Variants in GSTA3 observed in about 807,000 individuals in gnomAD.
The protein encoded by GSTA3 is glutathione S-transferase A3.
GSTA3 carries 16 observed loss-of-function variants against 23.1 expected under a neutral mutation model. The ratio of observed to expected loss-of-function variants is 0.69; its 90% confidence interval spans 0.47 to 1.05. The LOEUF (loss-of-function observed/expected upper bound fraction) is 1.05. Ranked by LOEUF, GSTA3 falls within the 50% of genes least tolerant of loss-of-function variation. GSTA3 has a pLI of 0.00. For missense variants in GSTA3, 319 were observed against 263.6 expected (o/e 1.21, Z -1.46); for synonymous variants, 122 against 91.0 (o/e 1.34, Z -1.94).
chr6:52,900,101 TC>T, intron 4 of GSTA3, 26 bp from the exon 5 acceptor site: 1 of 1,587,466 alleles, frequency 6.3e-7, no homozygotes, highest in Non-Finnish European at 8.6e-7. Context: ...AGCCAAAGCA[TC>T]AAATGCCTCT....
chr6:52,905,645 C>T (rs1055140448), intron 2 of GSTA3, 103 bp downstream of exon 2: 7 of 614,574 alleles, frequency 1.1e-5, no homozygotes, highest in Admixed American at 1.0e-4. Context: ...TATTTGAGGC[C>T]AAAATATTCA....
In GSTA3 at chr6:52,897,973, A is replaced by T. The variant is rs776740158; in HGVS notation, c.415-17T>A. Reference sequence around the variant, plus strand: ...CTGTAACACCTGGAGAATTTGAGGAATCAGATCAGGAATACATGCGCACCC... The same window carrying T: ...CTGTAACACCTGGAGAATTTGAGGATTCAGATCAGGAATACATGCGCACCC... On this transcript the variant is annotated splice_polypyrimidine_tract_variant and intron_variant, in intron 5 of 6. Transcript: ENST00000211122. The T allele has an allele frequency of 5.6e-6, 9 of 1,613,854 alleles. No homozygotes were observed. The highest frequency in any genetic ancestry group is 6.8e-6 in the Non-Finnish European group (8 of 1,179,794).
intron 1 of GSTA3, among the ~76,000 whole-genome samples, chr6:52,907,707 G>A (rs1765939459): frequency 6.6e-6 from 1 of 151,754 alleles, no homozygotes; most frequent in Admixed American, 6.6e-5. Context: ...ATCATTCTCA[G>A]CAAACTATCG....
intron 1 of GSTA3, among the ~76,000 whole-genome samples, chr6:52,909,107 A>G (rs891668033): frequency 2.0e-5 from 3 of 152,220 alleles, no homozygotes; most frequent in Non-Finnish European, 4.4e-5. Flanking sequence ...TCAATGATGG[A>G]AGTGTAAATT....
intron 6 of GSTA3, 46 bp downstream of exon 6, chr6:52,897,779 A>G (rs1176902297): frequency 1.2e-6 from 2 of 1,608,424 alleles, no homozygotes; most frequent in Admixed American, 1.7e-5. Context: ...AGATCCCAAG[A>G]TGGGACATGT....
intron 2 of GSTA3, among the ~76,000 whole-genome samples, chr6:52,905,200 A>G (rs372164156): frequency 6.6e-6 from 1 of 152,200 alleles, no homozygotes; most frequent in African/African-American, 2.4e-5. Flanking sequence ...TCAATCATCT[A>G]GCTGCAGTAA....
chr6:52,903,596 A>G, intron 3 of GSTA3, 80 bp downstream of exon 3: 117 of 475,974 alleles, frequency 2.5e-4, no homozygotes, highest in Middle Eastern at 3.8e-4. Flanking sequence ...GACTCCGTCA[A>G]AAAAAAAAAA....
At chr6:52,900,997 C>A (rs1335238277) in intron 4 of GSTA3, among the ~76,000 whole-genome samples, 1 of 152,212 alleles carries the variant, frequency 6.6e-6, no homozygotes, top group African/African-American at 2.4e-5. Context: ...GAGACCCCAC[C>A]TAAAAGATCC....
intron 4 of GSTA3, among the ~76,000 whole-genome samples, chr6:52,901,155 T>G (rs1191030684): frequency 6.6e-6 from 1 of 152,246 alleles, no homozygotes; most frequent in Non-Finnish European, 1.5e-5. Context: ...TTGTCACCCA[T>G]TAAATTATAG....
intron 4 of GSTA3, 144 bp from the exon 5 acceptor site, chr6:52,900,219 C>T: frequency 1.8e-6 from 1 of 554,604 alleles, no homozygotes; most frequent in Admixed American, 3.6e-5. Flanking sequence ...TCATTATGCT[C>T]TGATTTTTGC....
At chr6:52,898,474 C>G (rs1171492263) in intron 5 of GSTA3, among the ~76,000 whole-genome samples, 1 of 152,102 alleles carries the variant, frequency 6.6e-6, no homozygotes, top group African/African-American at 2.4e-5. Flanking sequence ...CCACAGCCCA[C>G]GTTCTACTTA....
Position 52,903,654 on chromosome 6 carries a change from G to A in GSTA3, c.139+22C>T, listed in dbSNP as rs45540839. The A allele has an allele frequency of 4.9e-5, 66 of 1,347,078 alleles. 1 individual carries two copies. In the East Asian group the frequency reaches 1.4e-3, roughly 29 times the overall value. The allele number at this position is 1,347,078 out of a possible 1,614,324, so 83.4% of individuals were successfully genotyped here. A position where few individuals can be genotyped will look rare whatever the true frequency, so the allele number is the denominator to read the frequency against. On this transcript the variant is annotated intron_variant, in intron 3 of 6. Coordinates refer to ENST00000211122, the MANE Select transcript of GSTA3 (RefSeq NM_000847.5). Reference sequence around the variant, plus strand: ...TCTCTACTAGATACCCTCATCAGAGGCACTTAGAGACTTGATCTTACCATT... The same window carrying A: ...TCTCTACTAGATACCCTCATCAGAGACACTTAGAGACTTGATCTTACCATT...
Position 52,896,715 on chromosome 6 carries a change from C to G in GSTA3, c.*91G>C, listed in dbSNP as rs1765451266. 5 of 1,434,958 alleles carry G rather than the reference C, an allele frequency of 3.5e-6. No homozygotes were observed. The highest frequency in any genetic ancestry group is 2.5e-5 in the South Asian group (2 of 81,534). 88.9% of individuals were successfully genotyped at this position (1,434,958 alleles called of 1,614,324 possible). On this transcript the variant is annotated 3_prime_UTR_variant, in exon 7 of 7. Transcript: ENST00000211122. ...TGGAAAGGGTTCATTAGCTTTACAA[C>G]AGGCACAATCAACACTTAAGTAAAG... is the stretch of plus-strand genomic sequence containing the variant.
At chr6:52,905,497 C>G (rs546026415) in intron 2 of GSTA3, among the ~76,000 whole-genome samples, 1 of 151,978 alleles carries the variant, frequency 6.6e-6, no homozygotes, top group Non-Finnish European at 1.5e-5. Flanking sequence ...AAGGTCCACT[C>G]ATTGTGATTA....
In GSTA3 at chr6:52,902,352, C is replaced by T. The variant is rs930364126; in HGVS notation, c.266G>A (p.Arg89Lys). 5.0e-6 allele frequency: 8 copies of T among 1,613,754 alleles called. No individual in the cohort carries two copies. The Admixed American group carries it at 8.3e-5, about 17-fold the overall frequency. The part of the protein sequence containing the change: ...YNLYGKDIKE[R>K]ALIDMYTEGM... ...AACACAAAATATACCGTACAGGGCTCTCTCCTTTATGTCTTTCCCGTAGAG... is the reference window on the plus strand; with the variant it reads ...AACACAAAATATACCGTACAGGGCTTTCTCCTTTATGTCTTTCCCGTAGAG... Residue 89 changes from arginine (R) to lysine (K), a missense_variant, in exon 4 of 7, where the codon AGA (arginine) becomes AAA (lysine). Physicochemically the swap from Arg to Lys is conservative, Grantham distance 26. Coordinates refer to ENST00000211122, the MANE Select transcript of GSTA3 (RefSeq NM_000847.5).
intron 4 of GSTA3, among the ~76,000 whole-genome samples, chr6:52,900,932 T>C (rs907031974): frequency 5.9e-5 from 9 of 152,226 alleles, no homozygotes; most frequent in African/African-American, 2.2e-4. Flanking sequence ...TGAAACATAA[T>C]TCTACAGCCC....
intron 1 of GSTA3, among the ~76,000 whole-genome samples, chr6:52,907,069 CA>C (rs1214242621): frequency 4.7e-5 from 7 of 149,606 alleles, no homozygotes; most frequent in Non-Finnish European, 8.9e-5. Flanking sequence ...ACTTATCTGA[CA>C]AAAGGCTAAT....
At chr6:52,899,903 G>C (rs772012865) in intron 5 of GSTA3, 31 bp downstream of exon 5, 2 of 1,611,808 alleles carry the variant, frequency 1.2e-6, no homozygotes, top group Admixed American at 3.3e-5. Flanking sequence ...TCTAAACTCA[G>C]TGCCCCAAAA....
chr6:52,897,007 C>T, intron 6 of GSTA3, 79 bp from the exon 7 acceptor site: 2 of 1,586,390 alleles, frequency 1.3e-6, no homozygotes, highest in African/African-American at 1.4e-5. Context: ...AATTTGACCC[C>T]TCCTGCCAGA....
Sources: gnomAD v4.1 joint callset for allele counts (sites outside exome capture counted in the v4.1 genomes callset) on GRCh38, gnomAD v4.1.1 for gene constraint, MANE v1.5 for transcripts, NCBI Gene and HGNC (gene_info 2026-07-23, HGNC 2026-07-21) for gene names.